Variants in BTF3 observed in about 807,000 individuals in gnomAD.
BTF3 encodes the protein basic transcription factor 3, also known as transcription factor BTF3.
Under a neutral mutation model 23.9 loss-of-function variants are expected in BTF3, and 12 were observed. The ratio of observed to expected loss-of-function variants is 0.50; its 90% CI spans 0.32 to 0.81. The LOEUF (loss-of-function observed/expected upper bound fraction) is 0.81, where lower values mean the gene tolerates loss of function less well. Among genes scored for constraint, BTF3 ranks in the 40% least tolerant of loss-of-function variants. BTF3 has a pLI of 0.03. For missense variants in BTF3, 215 were observed against 255.9 expected (o/e 0.84, Z 1.09); for synonymous variants, 96 against 94.8 (o/e 1.01, Z -0.07).
intron 4 of BTF3, 72 bp from the exon 5 acceptor site, chr5:73,504,267 CTTTTTTTT>C (rs34051700): frequency 1.0e-3 from 125 of 125,366 alleles, no homozygotes; most frequent in African/African-American, 4.0e-3. Flanking sequence ...TTCATCTGTT[CTTTTTTTT>C]TTTTTTTTTT....
intron 2 of BTF3, 64 bp from the exon 3 acceptor site, chr5:73,502,424 C>A: frequency 8.7e-7 from 1 of 1,150,584 alleles, no homozygotes; most frequent in Non-Finnish European, 1.2e-6. Context: ...AAACTATTCC[C>A]ATTTGAAAAA....
At chr5:73,500,258 TATC>T (rs1349139404) in intron 2 of BTF3, among the ~76,000 whole-genome samples, 1 of 152,240 alleles carries the variant, frequency 6.6e-6, no homozygotes, top group Non-Finnish European at 1.5e-5. Context: ...AATCAATTGT[TATC>T]AGACTGTGGC....
chr5:73,500,617 A>T (rs988235674), intron 2 of BTF3, among the ~76,000 whole-genome samples: 1 of 152,232 alleles, frequency 6.6e-6, no homozygotes, highest in Non-Finnish European at 1.5e-5. Context: ...CGTACTTATT[A>T]TGGGATGTGA....
At chr5:73,504,009 CA>C (rs1297364820) in intron 4 of BTF3, among the ~76,000 whole-genome samples, 1 of 152,098 alleles carries the variant, frequency 6.6e-6, no homozygotes, top group Non-Finnish European at 1.5e-5. Context: ...ATTTGTCTCC[CA>C]AAATCTCACC....
chr5:73,499,879 T>TAAGA (rs137915386), intron 2 of BTF3, among the ~76,000 whole-genome samples: 2,900 of 152,326 alleles, frequency 0.019, 80 homozygotes, highest in African/African-American at 0.066. Flanking sequence ...CTGTAATTAA[T>TAAGA]AAGAAGTCCA....
In BTF3 at chr5:73,498,811, C is replaced by T. The variant is rs1399265020; in HGVS notation, c.132+12C>T. 2.7e-6 allele frequency: 4 copies of T among 1,506,110 alleles called. No individual in the cohort carries two copies. Among genetic ancestry groups the T allele is most frequent in the East Asian group, 2.6e-5 (1 of 38,604 alleles). 93.3% of individuals were successfully genotyped at this position (1,506,110 alleles called of 1,614,324 possible). A position where few individuals can be genotyped will look rare whatever the true frequency, so the allele number is the denominator to read the frequency against. ...GACAGGAGCCTCAGGTACCGCGAGGCTTGCGGAGAGTGGCCGGGCCGGGCA... is the reference window on the plus strand; with the variant it reads ...GACAGGAGCCTCAGGTACCGCGAGGTTTGCGGAGAGTGGCCGGGCCGGGCA... On this transcript the variant is annotated intron_variant, in intron 1 of 5. Coordinates refer to ENST00000380591, the MANE Select transcript of BTF3 (RefSeq NM_001037637.2).
intron 4 of BTF3, among the ~76,000 whole-genome samples, chr5:73,503,425 G>T (rs1377869124): frequency 6.6e-6 from 1 of 151,510 alleles, no homozygotes; most frequent in East Asian, 1.9e-4. Flanking sequence ...TGTAAGTTTG[G>T]AATTGAAAAA....
intron 5 of BTF3, 63 bp downstream of exon 5, chr5:73,504,466 T>C: frequency 7.3e-7 from 1 of 1,372,458 alleles, no homozygotes; most frequent in South Asian, 1.3e-5. Flanking sequence ...GAAATCTTTG[T>C]AGGAAAAACT....
At chr5:73,498,878 G>T in intron 1 of BTF3, 79 bp downstream of exon 1, 1 of 1,484,556 alleles carries the variant, frequency 6.7e-7, no homozygotes, top group East Asian at 2.5e-5. Context: ...CAGGGGTGGG[G>T]GGTGCTGGCC....
At chr5:73,500,226 T>C (rs1746403482) in intron 2 of BTF3, among the ~76,000 whole-genome samples, 1 of 152,198 alleles carries the variant, frequency 6.6e-6, no homozygotes, top group Non-Finnish European at 1.5e-5. Context: ...TTTAACAACA[T>C]TAGATGTTTC....
chr5:73,502,355 C>A, intron 2 of BTF3, 133 bp from the exon 3 acceptor site: 1 of 589,760 alleles, frequency 1.7e-6, no homozygotes, highest in Non-Finnish European at 2.8e-6. Context: ...CTGCTCACTG[C>A]ATAAGTTTAT....
chr5:73,505,490 C>T lies in BTF3; in HGVS notation c.*252C>T, dbSNP rs1353970949. The T allele has an allele frequency of 2.7e-6, 1 of 375,956 alleles. No homozygotes were observed. Among genetic ancestry groups the T allele is most frequent in the Non-Finnish European group, 4.7e-6 (1 of 211,152 alleles). 23.3% of individuals were successfully genotyped at this position (375,956 alleles called of 1,614,324 possible). On this transcript the variant is annotated 3_prime_UTR_variant, in exon 6 of 6. Coordinates refer to ENST00000380591, the MANE Select transcript of BTF3 (RefSeq NM_001037637.2). ...AACAAAGATTAATAAAGTTCTTTGC[C>T]TAGTATACAGTTTTATTTTTTTATT...
chr5:73,503,271 C>T (rs1041708801), intron 4 of BTF3, among the ~76,000 whole-genome samples, 154 bp downstream of exon 4: 2 of 152,150 alleles, frequency 1.3e-5, no homozygotes, highest in Non-Finnish European at 2.9e-5. Flanking sequence ...ACTGTCCTTG[C>T]TCAAGTTTGC....
chr5:73,501,269 G>A (rs1182429114), intron 2 of BTF3, among the ~76,000 whole-genome samples: 1 of 152,134 alleles, frequency 6.6e-6, no homozygotes, highest in Non-Finnish European at 1.5e-5. Context: ...ATGGAGGTTG[G>A]GGGACGGTGA....
chr5:73,502,287 T>C (rs1746455741), intron 2 of BTF3, among the ~76,000 whole-genome samples: 1 of 152,232 alleles, frequency 6.6e-6, no homozygotes, highest in South Asian at 2.1e-4. Context: ...AAGTAGAACT[T>C]TGAAAAGATC....
intron 2 of BTF3, among the ~76,000 whole-genome samples, chr5:73,502,035 G>A (rs1186848813): frequency 3.3e-5 from 5 of 151,706 alleles, no homozygotes; most frequent in Non-Finnish European, 5.9e-5. Flanking sequence ...AGGCATGGTG[G>A]TGCCTGTAAT....
chr5:73,499,481 A>C (rs1447323636), intron 2 of BTF3: 2 of 487,754 alleles, frequency 4.1e-6, no homozygotes, highest in African/African-American at 2.0e-5. Flanking sequence ...TTAGTAAGGA[A>C]AATGTGTCAT....
rs1159174805 is a variant in BTF3 at position 73,498,648 on chromosome 5, C to T, written c.-20C>T. On this transcript the variant is annotated 5_prime_UTR_variant, in exon 1 of 6. Coordinates refer to ENST00000380591, the MANE Select transcript of BTF3 (RefSeq NM_001037637.2). ...AGGAGCGAGACAGGGAGGGACAGGG[C>T]AGAGGAGGAGAGGAAGGCGATGCGA... 5 of 1,499,558 alleles carry T rather than the reference C, an allele frequency of 3.3e-6. No individual in the cohort carries two copies. The highest frequency in any genetic ancestry group is 3.5e-6 in the Non-Finnish European group (4 of 1,134,130). The allele number at this position is 1,499,558 out of a possible 1,614,324, so 92.9% of individuals were successfully genotyped here.
rs1162014952 is a variant in BTF3 at position 73,505,432 on chromosome 5, AT to A, written c.*196del. 22 of 480,060 alleles carry A rather than the reference AT, an allele frequency of 4.6e-5. No homozygotes were observed. Among genetic ancestry groups the A allele is most frequent in the Non-Finnish European group, 7.3e-5 (20 of 274,486 alleles). 29.7% of individuals were successfully genotyped at this position (480,060 alleles called of 1,614,324 possible). A position where few individuals can be genotyped will look rare whatever the true frequency, so the allele number is the denominator to read the frequency against. On this transcript the variant is annotated 3_prime_UTR_variant, in exon 6 of 6. Coordinates refer to ENST00000380591, the MANE Select transcript of BTF3 (RefSeq NM_001037637.2). Reference sequence around the variant, plus strand: ...ATACACAATTCATTCTTTGCAGCTAATTAAGCCGAAGAAGCCTGGGAATCAA... The same window carrying A: ...ATACACAATTCATTCTTTGCAGCTAATAAGCCGAAGAAGCCTGGGAATCAA...
Sources: allele counts gnomAD v4.1 joint callset (sites outside exome capture counted in the v4.1 genomes callset), GRCh38; gene constraint gnomAD v4.1.1; transcripts MANE v1.5; gene names NCBI Gene and HGNC (gene_info 2026-07-23, HGNC 2026-07-21).